The following DIP2B variants were observed in gnomAD, a reference collection of about 807,000 sequenced individuals.
The protein encoded by DIP2B is disco-interacting protein 2 homolog B.
A neutral mutation model predicts 198.0 loss-of-function variants in DIP2B; 76 were observed. The observed-to-expected ratio is 0.38, with a 90% CI of 0.32 to 0.46. The LOEUF is 0.46. Ranked by LOEUF, DIP2B falls within the 20% of genes least tolerant of loss-of-function variation. The pLI, the probability that DIP2B is intolerant of heterozygous loss-of-function variation, is 0.99. For missense variants in DIP2B, 1,559 were observed against 1,978.4 expected, an observed-to-expected ratio of 0.79 and a Z score of 4.02; for synonymous variants, 701 against 739.1, an observed-to-expected ratio of 0.95 and a Z score of 0.84.
At chr12:50,661,334 T>C (rs910414952) in intron 4 of DIP2B, among the ~76,000 whole-genome samples, 1 of 152,196 alleles carries the variant, frequency 6.6e-6, no homozygotes, top group African/African-American at 2.4e-5. Context: ...GGTTGCCTTA[T>C]GGTTGACTTT....
chr12:50,623,077 A>G (rs1937846265), intron 1 of DIP2B, among the ~76,000 whole-genome samples: 1 of 152,118 alleles, frequency 6.6e-6, no homozygotes, highest in Admixed American at 6.5e-5. Flanking sequence ...GTTTTTAAAA[A>G]TCAAACTCTA....
At chr12:50,532,491 G>A (rs371155277) in intron 1 of DIP2B, among the ~76,000 whole-genome samples, 1 of 152,084 alleles carries the variant, frequency 6.6e-6, no homozygotes, top group Non-Finnish European at 1.5e-5. Flanking sequence ...TCCAGCCTGG[G>A]CGACAGAGCC....
At chr12:50,544,026 G>A (rs1009097629) in intron 1 of DIP2B, among the ~76,000 whole-genome samples, 1 of 149,662 alleles carries the variant, frequency 6.7e-6, no homozygotes, top group Non-Finnish European at 1.5e-5. Flanking sequence ...TCAGGACATC[G>A]AGACCATCCT....
chr12:50,621,692 C>T (rs1019328755), intron 1 of DIP2B, among the ~76,000 whole-genome samples: 3 of 152,116 alleles, frequency 2.0e-5, no homozygotes, highest in East Asian at 3.8e-4. Context: ...GATTTGTAGG[C>T]GCACTAGGAG....
intron 33 of DIP2B, among the ~76,000 whole-genome samples, chr12:50,734,696 C>A (rs192996775): frequency 1.3e-5 from 2 of 152,278 alleles, no homozygotes; most frequent in African/African-American, 4.8e-5. Flanking sequence ...ATCTGGAGTG[C>A]CCCACTGCAC....
intron 1 of DIP2B, among the ~76,000 whole-genome samples, chr12:50,623,113 G>A (rs968803311): frequency 6.6e-6 from 1 of 152,200 alleles, no homozygotes; most frequent in African/African-American, 2.4e-5. Context: ...CAGGCCAGGT[G>A]TGGCTCACAC....
At chr12:50,579,879 G>A (rs1209570553) in intron 1 of DIP2B, among the ~76,000 whole-genome samples, 1 of 150,980 alleles carries the variant, frequency 6.6e-6, no homozygotes, top group Non-Finnish European at 1.5e-5. Flanking sequence ...TGATGAGATT[G>A]GCCTGGTAGG....
intron 1 of DIP2B, among the ~76,000 whole-genome samples, chr12:50,571,467 C>G (rs994201137): frequency 6.6e-6 from 1 of 151,980 alleles, no homozygotes; most frequent in Non-Finnish European, 1.5e-5. Context: ...GCCACCACAC[C>G]CCGCCTATTG....
intron 12 of DIP2B, among the ~76,000 whole-genome samples, chr12:50,689,633 G>T (rs1267048386): frequency 6.6e-6 from 1 of 152,212 alleles, no homozygotes; most frequent in Non-Finnish European, 1.5e-5. Flanking sequence ...GGGTAAAGAA[G>T]TCAGTGATGG....
intron 1 of DIP2B, among the ~76,000 whole-genome samples, chr12:50,513,382 G>A (rs190572154): frequency 1.4e-4 from 22 of 152,192 alleles, no homozygotes; most frequent in Admixed American, 4.6e-4. Flanking sequence ...CAGACATCTC[G>A]CATATGTACA....
intron 1 of DIP2B, among the ~76,000 whole-genome samples, chr12:50,556,309 A>AAGTGCTGGGATTACAGGCATGAGCCAT (rs1421430898): frequency 6.6e-6 from 1 of 151,848 alleles, no homozygotes; most frequent in African/African-American, 2.4e-5. Context: ...CAGCCTCCCA[A>AAGTGCTGGGATTACAGGCATGAGCCAT]AGTGCTGGGA....
chr12:50,520,630 A>G (rs1958108896), intron 1 of DIP2B, among the ~76,000 whole-genome samples: 1 of 152,104 alleles, frequency 6.6e-6, no homozygotes. Context: ...CAACTTCTCC[A>G]TTTGTCGGTT....
At chr12:50,559,860 G>GT (rs1301345682) in intron 1 of DIP2B, among the ~76,000 whole-genome samples, 2 of 152,164 alleles carry the variant, frequency 1.3e-5, no homozygotes, top group East Asian at 3.8e-4. Context: ...GTAGAGGGGT[G>GT]AAATGTAGCA....
At chr12:50,727,541 A>C (rs1182780379) in intron 28 of DIP2B, among the ~76,000 whole-genome samples, 162 bp from the exon 29 acceptor site, 1 of 152,198 alleles carries the variant, frequency 6.6e-6, no homozygotes, top group Non-Finnish European at 1.5e-5. Flanking sequence ...ACCCCAGCCC[A>C]CCTCTAAGAA....
chr12:50,540,547 C>CTT (rs55910419), intron 1 of DIP2B, among the ~76,000 whole-genome samples: 118 of 128,398 alleles, frequency 9.2e-4, no homozygotes, highest in South Asian at 1.8e-3. Context: ...TAAAAAAATT[C>CTT]TTTTTTTTTT....
At chr12:50,559,313 C>CTTTTTTT (rs11301460) in intron 1 of DIP2B, among the ~76,000 whole-genome samples, 2 of 123,022 alleles carry the variant, frequency 1.6e-5, no homozygotes, top group East Asian at 2.3e-4. Flanking sequence ...AATTATTTGT[C>CTTTTTTT]TTTTTTTTTT....
chr12:50,656,326 A>G (rs1039326610), intron 3 of DIP2B, among the ~76,000 whole-genome samples: 3 of 152,186 alleles, frequency 2.0e-5, no homozygotes, highest in Non-Finnish European at 4.4e-5. Flanking sequence ...GAAAGGTATA[A>G]TTCTAGGTCT....
intron 1 of DIP2B, among the ~76,000 whole-genome samples, chr12:50,618,182 T>C (rs1430436727): frequency 6.6e-6 from 1 of 152,216 alleles, no homozygotes; most frequent in African/African-American, 2.4e-5. Context: ...AGTTAAAGAA[T>C]AAAAAATTTA....
rs963031717 is a variant in DIP2B at position 50,675,243 on chromosome 12, T to C, written c.797-86T>C. ...AAACTGGACAAACGCCAAACATCCTTAGAAATAAAAGCTCCTGAGGGAACT... is the reference window on the plus strand; with the variant it reads ...AAACTGGACAAACGCCAAACATCCTCAGAAATAAAAGCTCCTGAGGGAACT... On this transcript the variant is annotated intron_variant, in intron 6 of 37. Transcript: ENST00000301180. The C allele has an allele frequency of 2.0e-6, 3 of 1,515,878 alleles. No homozygotes were observed. In the East Asian group the frequency reaches 6.8e-5, roughly 34 times the overall value. 93.9% of individuals were successfully genotyped at this position (1,515,878 alleles called of 1,614,324 possible).
Sources: gnomAD v4.1 joint callset for allele counts (sites outside exome capture counted in the v4.1 genomes callset) on GRCh38, gnomAD v4.1.1 for gene constraint, MANE v1.5 for transcripts, NCBI Gene and HGNC (gene_info 2026-07-23, HGNC 2026-07-21) for gene names.